Variants in HOMER2 observed in about 807,000 individuals in gnomAD.
HOMER2 encodes the protein homer scaffold protein 2, also known as homer protein homolog 2.
In HOMER2, 27 loss-of-function variants were observed where a neutral mutation model predicts 47.0. That is an observed-to-expected ratio of 0.57 (90% CI 0.42 to 0.79). The LOEUF is 0.79. Among genes scored for constraint, HOMER2 ranks in the 30% least tolerant of loss-of-function variants. The probability of loss-of-function intolerance (pLI) is 0.00; values close to 1 mark genes in which losing one functional copy is unlikely to be tolerated. For synonymous variants in HOMER2, 161 were observed against 163.8 expected (o/e 0.98, Z 0.13); for missense variants, 443 against 435.0 (o/e 1.02, Z -0.16).
At chr15:82,874,797 C>T (rs577782428) in intron 3 of HOMER2, among the ~76,000 whole-genome samples, 1 of 152,318 alleles carries the variant, frequency 6.6e-6, no homozygotes, top group East Asian at 1.9e-4. Flanking sequence ...GGGTAACATG[C>T]TTATTTCATC....
Position 82,849,605 on chromosome 15 carries a change from A to G in HOMER2, c.*110T>C. The G allele has an allele frequency of 1.1e-6, 1 of 928,978 alleles. No homozygotes were observed. Among genetic ancestry groups the G allele is most frequent in the Non-Finnish European group, 1.6e-6 (1 of 631,886 alleles). The allele number at this position is 928,978 out of a possible 1,614,324, so 57.5% of individuals were successfully genotyped here. On this transcript the variant is annotated 3_prime_UTR_variant, in exon 9 of 9. Coordinates refer to ENST00000450735, the MANE Select transcript of HOMER2 (RefSeq NM_004839.4). ...GGCACAACTGGTTTGGAAACACGAC[A>G]AACTGCGCCTGCATTTACAGAAGCA...
At chr15:82,893,610 C>T (rs1200348914) in intron 1 of HOMER2, among the ~76,000 whole-genome samples, 4 of 148,628 alleles carry the variant, frequency 2.7e-5, no homozygotes, top group East Asian at 2.0e-4. Context: ...GGATTATAGG[C>T]GTAAGCCACT....
chr15:82,949,547 C>G (rs2054459720), intron 1 of HOMER2, among the ~76,000 whole-genome samples: 1 of 152,048 alleles, frequency 6.6e-6, no homozygotes, highest in African/African-American at 2.4e-5. Flanking sequence ...AGAGGTGAGG[C>G]AGAAGCAAGA....
At chr15:82,853,862 C>T (rs1055578341) in intron 6 of HOMER2, among the ~76,000 whole-genome samples, 30 of 152,174 alleles carry the variant, frequency 2.0e-4, no homozygotes, top group African/African-American at 6.5e-4. Context: ...CCTCAAGCAC[C>T]ATAATCCTTT....
At chr15:82,942,447 C>T (rs76145380) in intron 1 of HOMER2, among the ~76,000 whole-genome samples, 1,632 of 152,262 alleles carry the variant, frequency 0.011, 8 homozygotes, top group Non-Finnish European at 0.016. Flanking sequence ...TCCACATGGC[C>T]CCTGGTACAA....
intron 3 of HOMER2, among the ~76,000 whole-genome samples, chr15:82,867,890 C>T (rs371418649): frequency 7.9e-5 from 12 of 152,180 alleles, no homozygotes; most frequent in East Asian, 5.8e-4. Flanking sequence ...ACCCAGTGGG[C>T]CCTAGGAGAA....
At chr15:82,915,630 T>C (rs1288271200) in intron 1 of HOMER2, among the ~76,000 whole-genome samples, 1 of 152,210 alleles carries the variant, frequency 6.6e-6, no homozygotes, top group African/African-American at 2.4e-5. Context: ...GAGGATTGCC[T>C]GGGCCTGGGA....
intron 4 of HOMER2, among the ~76,000 whole-genome samples, chr15:82,860,976 A>AGT (rs1056933128): frequency 6.7e-6 from 1 of 149,536 alleles, no homozygotes; most frequent in Non-Finnish European, 1.5e-5. Flanking sequence ...AGAGAGAGAG[A>AGT]GAGAGAAAGC....
intron 1 of HOMER2, among the ~76,000 whole-genome samples, chr15:82,907,367 AAAGAG>A (rs1230470443): frequency 3.4e-4 from 52 of 151,960 alleles, no homozygotes; most frequent in East Asian, 5.8e-4. Context: ...AAAGAAAAGA[AAAGAG>A]AAGAGAAGAG....
chr15:82,854,821 G>C (rs763712215), intron 5 of HOMER2, 21 bp from the exon 6 acceptor site: 9 of 1,599,864 alleles, frequency 5.6e-6, no homozygotes, highest in Non-Finnish European at 7.7e-6. Context: ...GGGACGGGCG[G>C]TGACGACGGG....
intron 1 of HOMER2, among the ~76,000 whole-genome samples, chr15:82,933,582 T>C (rs1596366602): frequency 6.6e-6 from 1 of 152,140 alleles, no homozygotes; most frequent in Non-Finnish European, 1.5e-5. Flanking sequence ...CACAGAAACA[T>C]GCCCAGACCC....
exon 2 of HOMER2, chr15:82,958,594 G>A (rs919448028): frequency 3.3e-5 from 5 of 152,400 alleles, no homozygotes; most frequent in Non-Finnish European, 7.3e-5. Flanking sequence ...AGAAGGTTGT[G>A]GAAAGGCAGG....
rs959560461 is a variant in HOMER2, at chr15:82,852,330, C to T, written c.652-78G>A. The T allele has an allele frequency of 6.2e-6, 6 of 964,854 alleles. No individual in the cohort carries two copies. In the African/African-American group the frequency reaches 6.5e-5, roughly 10 times the overall value. 59.8% of individuals were successfully genotyped at this position (964,854 alleles called of 1,614,324 possible). A position where few individuals can be genotyped will look rare whatever the true frequency, so the allele number is the denominator to read the frequency against. On this transcript the variant is annotated intron_variant, in intron 6 of 8. Transcript: ENST00000450735. ...TAAGCAAGAGATCACCACAGCTATGCTTCTCTTTTCTTTTAAAATAAACCC... is the reference window on the plus strand; with the variant it reads ...TAAGCAAGAGATCACCACAGCTATGTTTCTCTTTTCTTTTAAAATAAACCC...
chr15:82,852,725 C>G (rs912164860), intron 6 of HOMER2: 4 of 153,698 alleles, frequency 2.6e-5, no homozygotes, highest in African/African-American at 9.6e-5. Context: ...ATCAAGCAAC[C>G]TCATGGTACA....
intron 1 of HOMER2, among the ~76,000 whole-genome samples, chr15:82,904,849 A>C (rs1386323909): frequency 6.6e-6 from 1 of 152,212 alleles, no homozygotes; most frequent in Non-Finnish European, 1.5e-5. Flanking sequence ...CCAGGACAGC[A>C]TGTCTACCTT....
chr15:82,950,641 T>G (rs943699817), intron 1 of HOMER2, among the ~76,000 whole-genome samples: 1 of 152,210 alleles, frequency 6.6e-6, no homozygotes, highest in African/African-American at 2.4e-5. Context: ...ATGGATCTAT[T>G]AAAAATGGCA....
At chr15:82,917,396 C>A (rs900185361) in intron 1 of HOMER2, among the ~76,000 whole-genome samples, 2 of 152,198 alleles carry the variant, frequency 1.3e-5, no homozygotes, top group Non-Finnish European at 2.9e-5. Flanking sequence ...AGGCTGAGAG[C>A]AGAACAGCTG....
rs1012490509 is a variant in HOMER2, at chr15:82,872,989, T to C, written c.294+2284A>G. ...TACAGCAAAACAGAATATTTCAAAC[T>C]AGGTGGCAGGAGGGGCTGTTCTATG... On this transcript the variant is annotated intron_variant, in intron 3 of 8. Transcript: ENST00000450735. Among the ~76,000 whole-genome samples the C allele has an allele frequency of 2.0e-5, 3 of 152,184 alleles. No homozygotes were observed. In the East Asian group the frequency reaches 5.8e-4, roughly 29 times the overall value.
downstream of HOMER2, chr15:82,958,041 G>C (rs1006354568): frequency 6.6e-6 from 1 of 152,178 alleles, no homozygotes; most frequent in Admixed American, 6.5e-5. Flanking sequence ...GTTTCACCAT[G>C]TTGGCCAGGC....
Sources: gnomAD v4.1 joint callset for allele counts (sites outside exome capture counted in the v4.1 genomes callset) on GRCh38, gnomAD v4.1.1 for gene constraint, MANE v1.5 for transcripts, NCBI Gene and HGNC (gene_info 2026-07-23, HGNC 2026-07-21) for gene names.